VRK2: variants seen among roughly 807,000 people sequenced by gnomAD.
VRK2 encodes the protein serine/threonine-protein kinase VRK2.
In VRK2, 60 loss-of-function variants were observed where a neutral mutation model predicts 57.6. That is an observed-to-expected ratio of 1.04 (90% CI 0.85 to 1.29). The LOEUF (loss-of-function observed/expected upper bound fraction) is 1.29. VRK2 is among the 50% of genes most tolerant of loss of function. VRK2 has a pLI of 0.00. For synonymous variants in VRK2, 231 were observed against 199.2 expected (o/e 1.16, Z -1.35); for missense variants, 705 against 588.1 (o/e 1.20, Z -2.06).
intron 12 of VRK2, among the ~76,000 whole-genome samples, chr2:58,151,466 T>A (rs1301419147): frequency 6.6e-6 from 1 of 151,774 alleles, no homozygotes; most frequent in Non-Finnish European, 1.5e-5. Context: ...TGTCTTTTTA[T>A]CTGTGGCTTT....
At position 57,991,082 on chromosome 2, in the gene VRK2, C is replaced by A. The variant is rs368991173; in HGVS notation, c.-438-34583C>A. ...TAAACAAAAAAAAAACTTTAATCTA[C>A]ATCCTATCCTTTGCCTCTAATGTGA... On this transcript the variant is annotated intron_variant, in intron 1 of 15. Coordinates refer to the VRK2 transcript ENST00000417641. 3.5e-4 allele frequency among the ~76,000 whole-genome samples: 54 copies of A among 152,118 alleles called. 1 individual carries two copies. The South Asian group carries it at 0.01, about 29-fold the overall frequency.
rs979884673 is a variant in VRK2, at chr2:58,009,797, T to C, written c.-438-15868T>C. Among the ~76,000 whole-genome samples the C allele has an allele frequency of 3.9e-5, 6 of 152,244 alleles. No homozygotes were observed. The South Asian group carries it at 8.3e-4, about 21-fold the overall frequency. ...TTAGATATGATTCTTCTATTATCTT[T>C]AAGCCTACGCTTTACTTACATGAGA... On this transcript the variant is annotated intron_variant, in intron 1 of 15. Coordinates refer to the VRK2 transcript ENST00000417641.
intron 1 of VRK2, among the ~76,000 whole-genome samples, chr2:57,977,515 C>A (rs1235085867): frequency 6.6e-6 from 1 of 151,276 alleles, no homozygotes; most frequent in African/African-American, 2.5e-5. Context: ...ATTTGGCTTG[C>A]AGGTTGGACA....
At chr2:58,089,823 G>A (rs903124905) in intron 7 of VRK2, 100 bp downstream of exon 7, 19 of 743,288 alleles carry the variant, frequency 2.6e-5, no homozygotes, top group South Asian at 2.4e-4. Context: ...AAATGAGGGC[G>A]TAACATGATG....
chr2:58,061,035 T>G (rs1677249843), intron 2 of VRK2, among the ~76,000 whole-genome samples: 1 of 151,838 alleles, frequency 6.6e-6, no homozygotes, highest in South Asian at 2.1e-4. Context: ...ATAAATGAGT[T>G]AAAATATTAA....
chr2:58,064,631 T>C (rs1168772096), intron 2 of VRK2, among the ~76,000 whole-genome samples: 1 of 152,132 alleles, frequency 6.6e-6, no homozygotes, highest in African/African-American at 2.4e-5. Context: ...TTTTATTGCA[T>C]TGTTGTGGAA....
intron 1 of VRK2, among the ~76,000 whole-genome samples, chr2:57,912,391 C>T (rs1003149010): frequency 2.6e-5 from 4 of 152,090 alleles, no homozygotes; most frequent in Admixed American, 2.6e-4. Context: ...TGGAGTTCAT[C>T]AGAGGGATAA....
chr2:58,084,129 A>T lies in VRK2; in HGVS notation c.177A>T (p.Val59=). The change falls in exon 3 of 13, where the codon GTA becomes GTT. Residue 59 remains valine, a synonymous_variant. Coordinates refer to ENST00000340157, the MANE Select transcript of VRK2 (RefSeq NM_006296.7). ...AACCAGAGAAAGATGCAAGACATGT[A>T]GTAAAAGTGGTAAGTGTTGCTCATA... is the stretch of plus-strand genomic sequence containing the variant. ...TNKPEKDARH[V]VKVEYQENGP... 1 of 1,606,858 alleles carries T rather than the reference A, an allele frequency of 6.2e-7. No homozygotes were observed. Among genetic ancestry groups the T allele is most frequent in the Non-Finnish European group, 8.5e-7 (1 of 1,175,538 alleles).
chr2:57,925,299 G>A (rs911179259), intron 1 of VRK2, among the ~76,000 whole-genome samples: 2 of 152,032 alleles, frequency 1.3e-5, no homozygotes, highest in African/African-American at 4.8e-5. Context: ...TTCTTCAAAT[G>A]TTTGGTAAAA....
chr2:57,986,757 C>T (rs1311362055), intron 1 of VRK2, among the ~76,000 whole-genome samples: 3 of 152,174 alleles, frequency 2.0e-5, no homozygotes, highest in Admixed American at 6.5e-5. Context: ...CACCACCACA[C>T]CCAGCTAATT....
At chr2:58,096,990 A>G (rs1673238258) in intron 7 of VRK2, among the ~76,000 whole-genome samples, 1 of 152,026 alleles carries the variant, frequency 6.6e-6, no homozygotes, top group African/African-American at 2.4e-5. Context: ...TGTTTTTATT[A>G]ATGCCTAGAC....
At chr2:58,106,658 T>C (rs1218242970) in intron 7 of VRK2, among the ~76,000 whole-genome samples, 6 of 151,984 alleles carry the variant, frequency 3.9e-5, no homozygotes, top group Non-Finnish European at 8.8e-5. Context: ...TTTGTAAATA[T>C]GAATAGATAG....
intron 7 of VRK2, among the ~76,000 whole-genome samples, chr2:58,096,170 G>A (rs969750227): frequency 1.3e-5 from 2 of 152,080 alleles, no homozygotes; most frequent in South Asian, 4.1e-4. Context: ...GTGTAATGTT[G>A]AAGTTCATTA....
intron 1 of VRK2, among the ~76,000 whole-genome samples, chr2:57,975,047 G>A (rs935892819): frequency 6.6e-6 from 1 of 151,716 alleles, no homozygotes; most frequent in African/African-American, 2.4e-5. Context: ...AAATTATAGA[G>A]ATTACATGTT....
chr2:57,956,949 G>T (rs1220897393), intron 1 of VRK2, among the ~76,000 whole-genome samples: 7 of 152,086 alleles, frequency 4.6e-5, no homozygotes, highest in Non-Finnish European at 8.8e-5. Flanking sequence ...GTAGCTCTAA[G>T]TCCTCTTACA....
chr2:57,921,439 T>C (rs1670345642), intron 1 of VRK2, among the ~76,000 whole-genome samples: 1 of 152,018 alleles, frequency 6.6e-6, no homozygotes. Flanking sequence ...TAGCCTTGTG[T>C]GGATCCTCCT....
chr2:58,026,943 A>G (rs10171955), intron 2 of VRK2: 50,750 of 150,432 alleles, frequency 0.34, 13,478 homozygotes, highest in African/African-American at 0.75. Flanking sequence ...TGCCTAGGCT[A>G]GTGTTAAACT....
chr2:58,132,063 T>C, intron 9 of VRK2, 135 bp downstream of exon 9: 1 of 1,165,638 alleles, frequency 8.6e-7, no homozygotes. Flanking sequence ...TTGAAAAATA[T>C]GTTTTAAAAA....
intron 7 of VRK2, among the ~76,000 whole-genome samples, chr2:58,102,355 ACTCAC>A (rs1677278697): frequency 6.6e-6 from 1 of 151,358 alleles, no homozygotes; most frequent in South Asian, 2.1e-4. Flanking sequence ...GTTACAAGAA[ACTCAC>A]CTTGCTGGTA....
Sources: gnomAD v4.1 joint callset for allele counts (sites outside exome capture counted in the v4.1 genomes callset) on GRCh38, gnomAD v4.1.1 for gene constraint, MANE v1.5 for transcripts, NCBI Gene and HGNC (gene_info 2026-07-23, HGNC 2026-07-21) for gene names.